Variants in TBC1D10A observed in about 807,000 individuals in gnomAD.
The protein encoded by TBC1D10A is EBP50-PDX interactor of 64 kDa.
In TBC1D10A, 24 loss-of-function variants were observed where a neutral mutation model predicts 52.9. The ratio of observed to expected loss-of-function variants is 0.45; its 90% CI spans 0.33 to 0.64. TBC1D10A has a LOEUF of 0.64. Among genes scored for constraint, TBC1D10A ranks in the 30% least tolerant of loss-of-function variants. The pLI is 0.02. For synonymous variants in TBC1D10A, 278 were observed against 282.9 expected, an observed-to-expected ratio of 0.98 and a Z score of 0.17; for missense variants, 602 against 687.9, an observed-to-expected ratio of 0.88 and a Z score of 1.40.
rs747087494 is a variant in TBC1D10A at position 30,294,971 on chromosome 22, G to A, written c.609C>T (p.Ala203=). The stretch of plus-strand genomic sequence containing the variant: ...CAGGCATATGCATGAGCAAGACAGC[G>A]GCAATGGGCGCCTGGGCCTGGCAGT... ...EGYCQAQAPI[A]AVLLMHMPAE... is the part of the protein sequence containing the mutation. The change falls in exon 5 of 9, where the codon GCC becomes GCT. Residue 203 remains alanine, a synonymous_variant. Transcript: ENST00000215790. 1.5e-5 allele frequency: 25 copies of A among 1,614,060 alleles called. No individual in the cohort carries two copies. Among genetic ancestry groups the A allele is most frequent in the South Asian group, 1.1e-4 (10 of 91,086 alleles).
chr22:30,310,435 G>A (rs1930401234), intron 1 of TBC1D10A, among the ~76,000 whole-genome samples: 1 of 152,186 alleles, frequency 6.6e-6, no homozygotes, highest in Admixed American at 6.5e-5. Flanking sequence ...TTGAGGCTCT[G>A]AGAGATTACT....
At chr22:30,315,012 G>C (rs1359749618) in intron 1 of TBC1D10A, among the ~76,000 whole-genome samples, 1 of 152,142 alleles carries the variant, frequency 6.6e-6, no homozygotes, top group Non-Finnish European at 1.5e-5. Context: ...TCTTACTTCT[G>C]CTTATCTTTA....
chr22:30,326,917 C>G lies in TBC1D10A; in HGVS notation c.-36G>C. 1 of 1,409,924 alleles carries G rather than the reference C, an allele frequency of 7.1e-7. No individual in the cohort carries two copies. The highest frequency in any genetic ancestry group is 9.2e-7 in the Non-Finnish European group (1 of 1,085,398). The allele number at this position is 1,409,924 out of a possible 1,614,324, so 87.3% of individuals were successfully genotyped here. A position where few individuals can be genotyped will look rare whatever the true frequency, so the allele number is the denominator to read the frequency against. Reference sequence around the variant, plus strand: ...CCCGCCGCCTGAGCTCCAGCGGCCACCTCAGCCGCCCTGCTGCCGCCGACG... The same window carrying G: ...CCCGCCGCCTGAGCTCCAGCGGCCAGCTCAGCCGCCCTGCTGCCGCCGACG... On this transcript the variant is annotated 5_prime_UTR_variant, in exon 1 of 9. Transcript: ENST00000215790.
In TBC1D10A at chr22:30,292,008, T is replaced by A. The variant is rs1331910768; in HGVS notation, c.*367A>T. On this transcript the variant is annotated 3_prime_UTR_variant, in exon 9 of 9. Coordinates refer to ENST00000215790, the MANE Select transcript of TBC1D10A (RefSeq NM_031937.3). Reference sequence around the variant, plus strand: ...CACGAGCTCTCTATACAAGGCTGTTTATTTCTGTACAAAACCATGTTTCTA... The same window carrying A: ...CACGAGCTCTCTATACAAGGCTGTTAATTTCTGTACAAAACCATGTTTCTA... 1 of 205,304 alleles carries A rather than the reference T, an allele frequency of 4.9e-6. No homozygotes were observed. Among genetic ancestry groups the A allele is most frequent in the Non-Finnish European group, 9.7e-6 (1 of 103,494 alleles). The allele number at this position is 205,304 out of a possible 1,614,324, so 12.7% of individuals were successfully genotyped here.
chr22:30,295,384 G>A (rs548603505), intron 4 of TBC1D10A, among the ~76,000 whole-genome samples: 6 of 152,286 alleles, frequency 3.9e-5, no homozygotes, highest in East Asian at 3.9e-4. Flanking sequence ...CCCCTTGGCC[G>A]GGCCAGCTTT....
intron 1 of TBC1D10A, among the ~76,000 whole-genome samples, chr22:30,310,301 T>C (rs1429668481): frequency 1.3e-5 from 2 of 152,212 alleles, no homozygotes; most frequent in Non-Finnish European, 2.9e-5. Context: ...ATGGTAGCTA[T>C]TAGGTGACTG....
At chr22:30,298,790 G>C (rs1930139739) in intron 3 of TBC1D10A, 1 of 152,668 alleles carries the variant, frequency 6.6e-6, no homozygotes, top group Non-Finnish European at 1.5e-5. Context: ...GGGGCAGGGA[G>C]CAGCAGGAGG....
chr22:30,302,037 C>A (rs1930211904), intron 2 of TBC1D10A, among the ~76,000 whole-genome samples: 1 of 152,210 alleles, frequency 6.6e-6, no homozygotes, highest in African/African-American at 2.4e-5. Flanking sequence ...CCCACATCAT[C>A]ACAGCCCCCA....
At chr22:30,322,207 C>G (rs1317913946) in intron 1 of TBC1D10A, among the ~76,000 whole-genome samples, 1 of 152,042 alleles carries the variant, frequency 6.6e-6, no homozygotes, top group African/African-American at 2.4e-5. Flanking sequence ...TCTCAAACTC[C>G]TGACCTCAAA....
chr22:30,312,095 A>G (rs1192692509), intron 1 of TBC1D10A, among the ~76,000 whole-genome samples: 10 of 152,186 alleles, frequency 6.6e-5, no homozygotes, highest in Non-Finnish European at 1.0e-4. Flanking sequence ...GTGCCGCCTG[A>G]GACTATTCTC....
At chr22:30,314,702 C>G (rs958231531) in intron 1 of TBC1D10A, among the ~76,000 whole-genome samples, 2 of 151,750 alleles carry the variant, frequency 1.3e-5, no homozygotes, top group African/African-American at 4.8e-5. Flanking sequence ...GTCGTAGCTA[C>G]TCAGGAGGCT....
intron 3 of TBC1D10A, chr22:30,298,713 C>T (rs1930137594): frequency 6.6e-6 from 1 of 152,272 alleles, no homozygotes; most frequent in African/African-American, 2.4e-5. Flanking sequence ...CCCATAGTTC[C>T]CTGGGGGAGC....
chr22:30,326,877 G>A lies in TBC1D10A; in HGVS notation c.5C>T (p.Ala2Val). The change falls in exon 1 of 9, where the codon GCG becomes GTG. Residue 2 changes from alanine (A) to valine (V), a missense_variant. By Grantham distance (64) the Ala-to-Val change is moderately conservative. Transcript: ENST00000215790. M[A>V]KSNGENGPRA... ...CGGCCCATTCTCTCCGTTGCTCTTC[G>A]CCATCCCAGCCGCGCCCGCCGCCTG... The A allele has an allele frequency of 1.3e-6, 2 of 1,489,172 alleles. No homozygotes were observed. The highest frequency in any genetic ancestry group is 2.4e-5 in the Admixed American group (1 of 42,462). The allele number at this position is 1,489,172 out of a possible 1,614,324, so 92.2% of individuals were successfully genotyped here. A position where few individuals can be genotyped will look rare whatever the true frequency, so the allele number is the denominator to read the frequency against.
intron 4 of TBC1D10A, among the ~76,000 whole-genome samples, 161 bp from the exon 5 acceptor site, chr22:30,295,216 A>C (rs1205547355): frequency 6.6e-6 from 1 of 152,216 alleles, no homozygotes; most frequent in Non-Finnish European, 1.5e-5. Context: ...CTACTGGAGC[A>C]CATGGACTCT....
intron 1 of TBC1D10A, among the ~76,000 whole-genome samples, chr22:30,315,019 T>C (rs895763456): frequency 6.6e-6 from 1 of 152,116 alleles, no homozygotes; most frequent in Admixed American, 6.5e-5. Context: ...TCTGCTTATC[T>C]TTACAGACCA....
intron 1 of TBC1D10A, among the ~76,000 whole-genome samples, chr22:30,310,832 C>T (rs1461584020): frequency 6.6e-6 from 1 of 152,146 alleles, no homozygotes; most frequent in Non-Finnish European, 1.5e-5. Context: ...CATATAAAGT[C>T]CCCCGCTCAT....
rs577011329 is a variant in TBC1D10A, at chr22:30,300,150, C to A, written c.310-599G>T. Among the ~76,000 whole-genome samples the A allele has an allele frequency of 7.9e-5, 12 of 151,538 alleles. 1 individual carries two copies. The South Asian group carries it at 2.3e-3, about 29-fold the overall frequency. ...AGACCCTCATAACTATCTTCTGAAT[C>A]AAAATGGAACCCTATAGGCGGGCAC... On this transcript the variant is annotated intron_variant, in intron 2 of 8. Coordinates refer to ENST00000215790, the MANE Select transcript of TBC1D10A (RefSeq NM_031937.3).
rs147476161 is a variant in TBC1D10A, at chr22:30,293,726, C to T, written c.975G>A (p.Gln325=). The change falls in exon 8 of 9, where the codon CAG becomes CAA. Residue 325 remains glutamine, a synonymous_variant. Coordinates refer to ENST00000215790, the MANE Select transcript of TBC1D10A (RefSeq NM_031937.3). ...GTCGCTCGATGGTCTCGTACTGGCC[C>T]TGGCAGGCTTTGACCTTCTCAGGGG... The part of the protein sequence containing the change: ...LGSPEKVKAC[Q]GQYETIERLR... 2.8e-5 allele frequency: 45 copies of T among 1,613,554 alleles called. 1 individual carries two copies. The African/African-American group carries it at 4.3e-4, about 15-fold the overall frequency.
intron 8 of TBC1D10A, 159 bp from the exon 9 acceptor site, chr22:30,293,010 G>C: frequency 1.4e-6 from 1 of 733,228 alleles, no homozygotes; most frequent in Non-Finnish European, 2.2e-6. Flanking sequence ...CTGCAGTCAC[G>C]AGCCCCACAG....
Sources: allele counts gnomAD v4.1 joint callset (sites outside exome capture counted in the v4.1 genomes callset), GRCh38; gene constraint gnomAD v4.1.1; transcripts MANE v1.5; gene names NCBI Gene and HGNC (gene_info 2026-07-23, HGNC 2026-07-21).